TAOK3: variants seen among roughly 807,000 people sequenced by gnomAD.
TAOK3 encodes serine/threonine-protein kinase TAO3.
In TAOK3, 40 loss-of-function variants were observed where a neutral mutation model predicts 120.4. The ratio of observed to expected loss-of-function variants is 0.33; its 90% confidence interval spans 0.26 to 0.43. The LOEUF (loss-of-function observed/expected upper bound fraction) is 0.43. Among genes scored for constraint, TAOK3 ranks in the 20% least tolerant of loss-of-function variants. TAOK3 has a pLI of 1.00. For synonymous variants in TAOK3, 355 were observed against 387.5 expected, an observed-to-expected ratio of 0.92 and a Z score of 0.99; for missense variants, 821 against 1,112.1, an observed-to-expected ratio of 0.74 and a Z score of 3.72.
chr12:118,317,247 C>G lies in TAOK3; in HGVS notation c.-193-50488G>C, dbSNP rs369904567. On this transcript the variant is annotated intron_variant, in intron 1 of 20. Transcript: ENST00000392533. ...TGCCACTACACTCTGGCCTGGGCAA[C>G]GAAGTGAAAGTTTGTCTCAAAAAAA... Among the ~76,000 whole-genome samples the G allele has an allele frequency of 1.6e-4, 18 of 113,872 alleles. No homozygotes were observed. In the East Asian group the frequency reaches 2.7e-3, roughly 17 times the overall value. 74.7% of individuals were successfully genotyped at this position (113,872 alleles called of 152,430 possible). A position where few individuals can be genotyped will look rare whatever the true frequency, so the allele number is the denominator to read the frequency against.
At chr12:118,255,989 C>A (rs1371481322) in intron 2 of TAOK3, 2 of 152,204 alleles carry the variant, frequency 1.3e-5, no homozygotes, top group African/African-American at 4.8e-5. Flanking sequence ...GAGGCTGAGG[C>A]AGGAGAATCG....
intron 19 of TAOK3, among the ~76,000 whole-genome samples, chr12:118,159,530 T>G (rs2035078345): frequency 6.6e-6 from 1 of 152,162 alleles, no homozygotes; most frequent in African/African-American, 2.4e-5. Context: ...TTCGAACTCC[T>G]GACCTTGTGA....
chr12:118,317,127 G>T (rs2043496935), intron 1 of TAOK3, among the ~76,000 whole-genome samples: 1 of 151,980 alleles, frequency 6.6e-6, no homozygotes, highest in Non-Finnish European at 1.5e-5. Flanking sequence ...GCTGGGTGTG[G>T]TGGTGCACGC....
At chr12:118,357,703 C>A (rs2045453202) in intron 1 of TAOK3, among the ~76,000 whole-genome samples, 1 of 152,144 alleles carries the variant, frequency 6.6e-6, no homozygotes, top group Non-Finnish European at 1.5e-5. Flanking sequence ...CTGCTTCACC[C>A]CCATCCAAGC....
rs149209486 is a variant in TAOK3, at chr12:118,243,865, G to C, written c.193-349C>G. Among the ~76,000 whole-genome samples the C allele has an allele frequency of 1.3e-3, 198 of 152,224 alleles. 1 individual carries two copies. The highest frequency in any genetic ancestry group is 4.5e-3 in the African/African-American group (187 of 41,554). ...CTAATTTTTTTGTATTTTTAGTAGAGACGAGGTTTCTCCGTGTTGGCCAGG... is the reference window on the plus strand; with the variant it reads ...CTAATTTTTTTGTATTTTTAGTAGACACGAGGTTTCTCCGTGTTGGCCAGG... On this transcript the variant is annotated intron_variant, in intron 4 of 20. Coordinates refer to ENST00000392533, the MANE Select transcript of TAOK3 (RefSeq NM_016281.4).
intron 17 of TAOK3, among the ~76,000 whole-genome samples, chr12:118,164,836 C>T (rs2035480085): frequency 6.6e-6 from 1 of 152,068 alleles, no homozygotes; most frequent in Non-Finnish European, 1.5e-5. Flanking sequence ...TTTATACTGG[C>T]GTGGTTGGAA....
At chr12:118,367,358 C>A (rs11068927) in intron 1 of TAOK3, among the ~76,000 whole-genome samples, 2 of 150,764 alleles carry the variant, frequency 1.3e-5, no homozygotes, top group Admixed American at 6.6e-5. Flanking sequence ...TAACGTATGT[C>A]TGGAACAAAA....
intron 7 of TAOK3, 46 bp downstream of exon 7, chr12:118,238,027 G>GA (rs748921901): frequency 7.6e-7 from 1 of 1,312,906 alleles, no homozygotes; most frequent in South Asian, 1.3e-5. Flanking sequence ...TCCTGGAATA[G>GA]ACAGTCCTGC....
At chr12:118,283,966 G>T (rs2042180588) in intron 1 of TAOK3, among the ~76,000 whole-genome samples, 1 of 152,122 alleles carries the variant, frequency 6.6e-6, no homozygotes, top group African/African-American at 2.4e-5. Flanking sequence ...TTTTTCTACT[G>T]ATGAAAACGT....
chr12:118,232,454 C>T (rs2034045900), intron 9 of TAOK3, among the ~76,000 whole-genome samples: 1 of 152,140 alleles, frequency 6.6e-6, no homozygotes, highest in Non-Finnish European at 1.5e-5. Flanking sequence ...TTCCCTAATA[C>T]AAGTTGGAGT....
intron 2 of TAOK3, among the ~76,000 whole-genome samples, chr12:118,258,804 A>G (rs941302537): frequency 6.6e-6 from 1 of 152,138 alleles, no homozygotes; most frequent in Non-Finnish European, 1.5e-5. Flanking sequence ...TCAAAGATAT[A>G]CCTTTTTGGA....
At chr12:118,356,300 T>C (rs986449369) in intron 1 of TAOK3, among the ~76,000 whole-genome samples, 2 of 146,018 alleles carry the variant, frequency 1.4e-5, no homozygotes, top group Non-Finnish European at 3.0e-5. Context: ...ACTTTCTTTT[T>C]TTTTTTTTTT....
intron 15 of TAOK3, 71 bp downstream of exon 15, chr12:118,181,300 C>T: frequency 1.5e-6 from 2 of 1,346,238 alleles, no homozygotes; most frequent in Non-Finnish European, 2.1e-6. Flanking sequence ...CTGCCTCTTG[C>T]TAACATCCTG....
intron 13 of TAOK3, among the ~76,000 whole-genome samples, chr12:118,191,200 AG>A (rs757977751): frequency 1.3e-5 from 2 of 152,340 alleles, no homozygotes; most frequent in East Asian, 3.9e-4. Flanking sequence ...TTTATGTAAA[AG>A]CCAAGACCCA....
chr12:118,199,054 C>T lies in TAOK3; in HGVS notation c.1191G>A (p.Lys397=). ...TINSSSSVVH[K]KDHVFIRDEA... ...TGGAGGGTACCAAGAAACCTACTTT[C>T]TTATGCACGACGGAGGAGCTGGAAT... The change falls in exon 13 of 21, where the codon AAG becomes AAA. Residue 397 remains lysine, a synonymous_variant. Coordinates refer to ENST00000392533, the MANE Select transcript of TAOK3 (RefSeq NM_016281.4). 6.2e-7 allele frequency: 1 copy of T among 1,614,172 alleles called. No homozygotes were observed. Among genetic ancestry groups the T allele is most frequent in the Non-Finnish European group, 8.5e-7 (1 of 1,180,024 alleles).
chr12:118,181,223 G>T, intron 15 of TAOK3, 148 bp downstream of exon 15: 1 of 661,302 alleles, frequency 1.5e-6, no homozygotes, highest in Non-Finnish European at 2.7e-6. Flanking sequence ...ATTTTACATA[G>T]CCCTATAAAA....
chr12:118,259,288 G>A (rs2041122789), intron 2 of TAOK3, among the ~76,000 whole-genome samples: 1 of 152,168 alleles, frequency 6.6e-6, no homozygotes, highest in South Asian at 2.1e-4. Flanking sequence ...ACTCATGTCT[G>A]TAATCCTAGC....
chr12:118,254,240 A>G (rs1057347073), intron 3 of TAOK3, among the ~76,000 whole-genome samples: 1 of 152,128 alleles, frequency 6.6e-6, no homozygotes, highest in African/African-American at 2.4e-5. Context: ...CATGATTGCC[A>G]CTAAAAATCA....
chr12:118,272,242 G>A (rs1373779135), intron 1 of TAOK3, among the ~76,000 whole-genome samples: 2 of 144,184 alleles, frequency 1.4e-5, no homozygotes, highest in Non-Finnish European at 3.0e-5. Context: ...GCAGTGAGCC[G>A]AGTTACACCA....
Sources: allele counts gnomAD v4.1 joint callset (sites outside exome capture counted in the v4.1 genomes callset), GRCh38; gene constraint gnomAD v4.1.1; transcripts MANE v1.5; gene names NCBI Gene and HGNC (gene_info 2026-07-23, HGNC 2026-07-21).